PCDH9: variants seen among roughly 807,000 people sequenced by gnomAD.
PCDH9 encodes the protein protocadherin-9.
PCDH9 carries 24 observed loss-of-function variants against 70.6 expected under a neutral mutation model. That is an observed-to-expected ratio of 0.34 (90% CI 0.25 to 0.48). The LOEUF (loss-of-function observed/expected upper bound fraction) is 0.48, where lower values mean the gene tolerates loss of function less well. Among genes scored for constraint, PCDH9 ranks in the 20% least tolerant of loss-of-function variants. The pLI is 0.99. For missense variants in PCDH9, 1,281 were observed against 1,503.6 expected (o/e 0.85, Z 2.45); for synonymous variants, 562 against 558.5 (o/e 1.01, Z -0.09).
chr13:66,594,990 CAAA>C (rs59217015), intron 4 of PCDH9, among the ~76,000 whole-genome samples: 3 of 128,826 alleles, frequency 2.3e-5, no homozygotes, highest in Admixed American at 8.1e-5. Context: ...AGCATTTACT[CAAA>C]AAAAAAAAAA....
chr13:66,495,449 T>G (rs1266850563), intron 4 of PCDH9, among the ~76,000 whole-genome samples: 2 of 152,188 alleles, frequency 1.3e-5, no homozygotes, highest in Non-Finnish European at 2.9e-5. Flanking sequence ...CAACGGTATC[T>G]CCTTCAAGGC....
intron 4 of PCDH9, among the ~76,000 whole-genome samples, chr13:66,615,609 T>C (rs1172487514): frequency 6.6e-6 from 1 of 152,192 alleles, no homozygotes; most frequent in African/African-American, 2.4e-5. Context: ...ACTTTGGAGA[T>C]TGTGACATTG....
chr13:66,380,208 G>GTTT (rs963499500), intron 4 of PCDH9, among the ~76,000 whole-genome samples: 1 of 152,096 alleles, frequency 6.6e-6, no homozygotes, highest in African/African-American at 2.4e-5. Context: ...AATATATTGT[G>GTTT]TTTTTTAAAT....
intron 4 of PCDH9, among the ~76,000 whole-genome samples, chr13:66,410,627 C>G (rs1957354260): frequency 6.6e-6 from 1 of 152,156 alleles, no homozygotes; most frequent in South Asian, 2.1e-4. Flanking sequence ...CAGGTTAGCT[C>G]CTGCAGGACA....
chr13:66,326,887 CT>C lies in PCDH9; in HGVS notation c.3341-21860del, dbSNP rs1252145581. On this transcript the variant is annotated intron_variant, in intron 4 of 4. Transcript: ENST00000377865. ...AAAATGCCTCTTCTTCCCCACCCAA[CT>C]TAAGCACAATGGCTTAGTTTCAGAC... 7.3e-3 allele frequency among the ~76,000 whole-genome samples: 1,117 copies of C among 152,266 alleles called. 8 individuals are homozygous for C. The highest frequency in any genetic ancestry group is 0.025 in the African/African-American group (1,046 of 41,536).
intron 3 of PCDH9, among the ~76,000 whole-genome samples, chr13:66,712,252 G>T (rs1207778185): frequency 6.6e-6 from 1 of 151,976 alleles, no homozygotes; most frequent in East Asian, 1.9e-4. Context: ...AAATTTATAT[G>T]ATGTAATAGA....
chr13:67,043,303 A>G (rs2085158395), intron 2 of PCDH9, among the ~76,000 whole-genome samples: 2 of 152,200 alleles, frequency 1.3e-5, no homozygotes, highest in African/African-American at 4.8e-5. Flanking sequence ...GTAACAATCC[A>G]TGTAAAGAGT....
chr13:66,849,511 T>TAG (rs1252511795), intron 3 of PCDH9, among the ~76,000 whole-genome samples: 2,251 of 81,762 alleles, frequency 0.028, 46 homozygotes, highest in Non-Finnish European at 0.035. Flanking sequence ...TATATATATA[T>TAG]ATATATAGAG....
chr13:66,973,548 G>T (rs2083561900), intron 2 of PCDH9, among the ~76,000 whole-genome samples: 2 of 151,862 alleles, frequency 1.3e-5, no homozygotes, highest in South Asian at 2.1e-4. Context: ...AAAATACTTT[G>T]ATCATGTACA....
At chr13:66,508,863 G>A (rs1290997115) in intron 4 of PCDH9, among the ~76,000 whole-genome samples, 1 of 152,154 alleles carries the variant, frequency 6.6e-6, no homozygotes, top group Non-Finnish European at 1.5e-5. Context: ...GGAGGTAGTA[G>A]AGTATAATTG....
At chr13:66,400,527 C>T (rs2138293263) in intron 4 of PCDH9, among the ~76,000 whole-genome samples, 2 of 152,150 alleles carry the variant, frequency 1.3e-5, no homozygotes, top group East Asian at 3.9e-4. Context: ...ATCCAGATAC[C>T]TTTATAAATT....
At chr13:66,929,578 C>A (rs560781285) in intron 2 of PCDH9, among the ~76,000 whole-genome samples, 1 of 152,246 alleles carries the variant, frequency 6.6e-6, no homozygotes, top group African/African-American at 2.4e-5. Flanking sequence ...CCTGCCTCCG[C>A]CTCCCAAAGT....
intron 3 of PCDH9, among the ~76,000 whole-genome samples, chr13:66,816,794 C>T (rs1432634219): frequency 6.6e-6 from 1 of 151,260 alleles, no homozygotes; most frequent in Non-Finnish European, 1.5e-5. Flanking sequence ...GTGGCATGCA[C>T]AATATTTTAA....
At chr13:67,155,206 G>A (rs2087779867) in intron 2 of PCDH9, among the ~76,000 whole-genome samples, 3 of 152,284 alleles carry the variant, frequency 2.0e-5, no homozygotes, top group Middle Eastern at 6.8e-3. Flanking sequence ...GGAACTGAAT[G>A]CAAACGGCCA....
intron 4 of PCDH9, among the ~76,000 whole-genome samples, chr13:66,460,058 G>A (rs892287850): frequency 6.6e-6 from 1 of 151,896 alleles, no homozygotes; most frequent in Non-Finnish European, 1.5e-5. Flanking sequence ...AAACTCAGTA[G>A]TGTCATTTTA....
At chr13:66,315,897 C>T (rs1167442493) in intron 4 of PCDH9, among the ~76,000 whole-genome samples, 1 of 152,176 alleles carries the variant, frequency 6.6e-6, no homozygotes, top group Non-Finnish European at 1.5e-5. Context: ...TTACCACAAA[C>T]TTAGTGGCTT....
intron 3 of PCDH9, among the ~76,000 whole-genome samples, chr13:66,703,063 A>G (rs1473397268): frequency 6.6e-6 from 1 of 152,224 alleles, no homozygotes; most frequent in African/African-American, 2.4e-5. Flanking sequence ...AATTTGTAAT[A>G]AACCATAAAA....
At chr13:67,014,331 T>C (rs1462896307) in intron 2 of PCDH9, among the ~76,000 whole-genome samples, 2 of 152,076 alleles carry the variant, frequency 1.3e-5, no homozygotes, top group African/African-American at 2.4e-5. Context: ...GGCACAGTCT[T>C]ATACTGGATG....
In PCDH9 at chr13:67,227,596, C is replaced by T; in HGVS notation, c.845G>A (p.Gly282Asp). The T allele has an allele frequency of 6.2e-7, 1 of 1,614,100 alleles. No homozygotes were observed. Among genetic ancestry groups the T allele is most frequent in the Non-Finnish European group, 8.5e-7 (1 of 1,179,966 alleles). The part of the protein sequence containing the change: ...IQLHATDADI[G>D]SNAEIRYIFG... Reference sequence around the variant, plus strand: ...AATGTACCGGATTTCAGCATTACTGCCTATATCTGCATCAGTGGCATGGAG... The same window carrying T: ...AATGTACCGGATTTCAGCATTACTGTCTATATCTGCATCAGTGGCATGGAG... The change falls in exon 2 of 5, where the codon GGC (glycine) becomes GAC (aspartate). Residue 282 changes from glycine to aspartate, a missense_variant. Physicochemically the swap from Gly to Asp is moderately conservative, Grantham distance 94. Around this residue, in one of 4 missense-constraint regions of PCDH9, gnomAD observed 798 missense variants for 1,003.1 expected, o/e 0.80. Transcript: ENST00000377865. This position sits in a 1 kb window ranked among gnomAD's most constrained non-coding sequence, Gnocchi z 4.6.
Sources: allele counts gnomAD v4.1 joint callset (sites outside exome capture counted in the v4.1 genomes callset), GRCh38; gene constraint gnomAD v4.1.1; regional missense constraint gnomAD v4.1.1; non-coding constraint Gnocchi (gnomAD v3.1); transcripts MANE v1.5; gene names NCBI Gene and HGNC (gene_info 2026-07-23, HGNC 2026-07-21).